Variants in PCDHGB7 observed in about 807,000 individuals in gnomAD.
PCDHGB7 encodes protocadherin gamma subfamily B, 7.
PCDHGB7 carries 37 observed loss-of-function variants against 61.4 expected under a neutral mutation model. The ratio of observed to expected loss-of-function variants is 0.60; its 90% CI spans 0.46 to 0.79. The LOEUF (loss-of-function observed/expected upper bound fraction) is 0.79, where lower values mean the gene tolerates loss of function less well. PCDHGB7 is among the 30% of genes least tolerant of loss of function. The pLI is 0.00. For missense variants in PCDHGB7, 1,166 were observed against 1,202.5 expected (o/e 0.97, Z 0.45); for synonymous variants, 464 against 503.5 (o/e 0.92, Z 1.05).
chr5:141,487,831 A>T lies in PCDHGB7; in HGVS notation c.2416-6976A>T. 2 of 1,144,322 alleles carry T rather than the reference A, an allele frequency of 1.7e-6. No individual in the cohort carries two copies. Among genetic ancestry groups the T allele is most frequent in the Non-Finnish European group, 2.4e-6 (2 of 818,294 alleles). 70.9% of individuals were successfully genotyped at this position (1,144,322 alleles called of 1,614,324 possible). ...TTAGCATTGGGGGCGGGTCATGCCT[A>T]TATCTGAGTAAGAAATGAAAGTAAT... On this transcript the variant is annotated intron_variant, in intron 1 of 3. Transcript: ENST00000398594. The surrounding 1 kb of genome is among the most constrained non-coding windows in gnomAD (Gnocchi z 5.0).
Position 141,432,325 on chromosome 5 carries a change from C to CGAGCA in PCDHGB7, c.2415+12053_2415+12057dup, listed in dbSNP as rs768604869. On this transcript the variant is annotated intron_variant, in intron 1 of 3. Coordinates refer to ENST00000398594, the MANE Select transcript of PCDHGB7 (RefSeq NM_018927.4). This position sits in a 1 kb window ranked among gnomAD's most constrained non-coding sequence, Gnocchi z 6.0. Reference sequence around the variant, plus strand: ...TGTATGCGCTGAGCTCCTTCGACTACGAGCAGTTCCGAGACTTGCAAGTGA... The same window carrying CGAGCA: ...TGTATGCGCTGAGCTCCTTCGACTACGAGCAGAGCAGTTCCGAGACTTGCAAGTGA... 20 of 1,614,142 alleles carry CGAGCA rather than the reference C, an allele frequency of 1.2e-5. No individual in the cohort carries two copies. Among genetic ancestry groups the CGAGCA allele is most frequent in the Non-Finnish European group, 1.7e-5 (20 of 1,180,050 alleles).
At chr5:141,484,639 C>A (rs1366750263) in intron 1 of PCDHGB7, among the ~76,000 whole-genome samples, 1 of 151,938 alleles carries the variant, frequency 6.6e-6, no homozygotes, top group Non-Finnish European at 1.5e-5. Context: ...AGTGACCACT[C>A]TCCAATGGCT....
intron 1 of PCDHGB7, chr5:141,422,178 G>A (rs1561799748): frequency 1.9e-6 from 3 of 1,563,306 alleles, no homozygotes; most frequent in Non-Finnish European, 1.7e-6. Flanking sequence ...GATTCTATGA[G>A]ATGGAAATTC....
In PCDHGB7 at chr5:141,512,494, C is replaced by T. The variant is rs2099884262; in HGVS notation, c.*1321C>T. The T allele has an allele frequency of 6.5e-6, 1 of 152,894 alleles. No individual in the cohort carries two copies. Among genetic ancestry groups the T allele is most frequent in the Admixed American group, 6.5e-5 (1 of 15,282 alleles). The allele number at this position is 152,894 out of a possible 1,614,324, so 9.5% of individuals were successfully genotyped here. Reference sequence around the variant, plus strand: ...CTTCCGTGAAGGCCACTGCCCAGGTCCCCAGTGCGCCCCCTAGTGGCCATA... The same window carrying T: ...CTTCCGTGAAGGCCACTGCCCAGGTTCCCAGTGCGCCCCCTAGTGGCCATA... On this transcript the variant is annotated 3_prime_UTR_variant, in exon 4 of 4. Transcript: ENST00000398594.
Position 141,489,101 on chromosome 5 carries a change from T to C in PCDHGB7, c.2416-5706T>C. The C allele has an allele frequency of 2.5e-6, 1 of 398,412 alleles. No homozygotes were observed. The highest frequency in any genetic ancestry group is 4.3e-5 in the South Asian group (1 of 23,096). The allele number at this position is 398,412 out of a possible 1,614,324, so 24.7% of individuals were successfully genotyped here. A position where few individuals can be genotyped will look rare whatever the true frequency, so the allele number is the denominator to read the frequency against. ...CCGCCACTCGGTGACTAAGAACTGC[T>C]GCAAGCAGGCAAACCTCCGAGCAGT... On this transcript the variant is annotated intron_variant, in intron 1 of 3. Coordinates refer to ENST00000398594, the MANE Select transcript of PCDHGB7 (RefSeq NM_018927.4). The surrounding 1 kb of genome is among the most constrained non-coding windows in gnomAD (Gnocchi z 4.5).
chr5:141,427,717 A>G (rs1038823851), intron 1 of PCDHGB7: 20 of 1,076,234 alleles, frequency 1.9e-5, no homozygotes, highest in African/African-American at 1.1e-4. Context: ...TCTGACCTGG[A>G]CCTAGGGCTG....
chr5:141,428,037 C>G lies in PCDHGB7; in HGVS notation c.2415+7763C>G, dbSNP rs762273592. 3.7e-6 allele frequency: 6 copies of G among 1,608,340 alleles called. No homozygotes were observed. In the African/African-American group the frequency reaches 8.0e-5, roughly 21 times the overall value. ...GCCACGCGCCGCAGAGTCCGGCTACCTGGTGACCAAGGTGGTGGCGGTGGA... is the reference window on the plus strand; with the variant it reads ...GCCACGCGCCGCAGAGTCCGGCTACGTGGTGACCAAGGTGGTGGCGGTGGA... On this transcript the variant is annotated intron_variant, in intron 1 of 3. Coordinates refer to ENST00000398594, the MANE Select transcript of PCDHGB7 (RefSeq NM_018927.4).
Position 141,476,790 on chromosome 5 carries a change from C to T in PCDHGB7, c.2416-18017C>T. ...TTGGACGGAGGGACCCCAGCTCTCT[C>T]CGCCAGCCTGCCTATTCACATCAAG... On this transcript the variant is annotated intron_variant, in intron 1 of 3. Coordinates refer to ENST00000398594, the MANE Select transcript of PCDHGB7 (RefSeq NM_018927.4). This position sits in a 1 kb window ranked among gnomAD's most constrained non-coding sequence, Gnocchi z 7.6. 1 of 1,613,606 alleles carries T rather than the reference C, an allele frequency of 6.2e-7. No homozygotes were observed. Among genetic ancestry groups the T allele is most frequent in the South Asian group, 1.1e-5 (1 of 91,084 alleles).
At chr5:141,460,047 C>T (rs2098981053) in intron 1 of PCDHGB7, among the ~76,000 whole-genome samples, 1 of 152,102 alleles carries the variant, frequency 6.6e-6, no homozygotes. Context: ...CACTGCACTC[C>T]AGCCTGGGCA....
Position 141,432,254 on chromosome 5 carries a change from G to A in PCDHGB7, c.2415+11980G>A, listed in dbSNP as rs935437220. 6.2e-7 allele frequency: 1 copy of A among 1,614,242 alleles called. No homozygotes were observed. The highest frequency in any genetic ancestry group is 8.5e-7 in the Non-Finnish European group (1 of 1,180,050). ...CCTGGCTGAGAACACCATCCAAGGG[G>A]CAAGCCTATCGTCCTACGTGTCCAT... On this transcript the variant is annotated intron_variant, in intron 1 of 3. Transcript: ENST00000398594. The surrounding 1 kb of genome is among the most constrained non-coding windows in gnomAD (Gnocchi z 6.0).
chr5:141,494,537 G>C (rs2099755111), intron 1 of PCDHGB7, among the ~76,000 whole-genome samples: 1 of 152,168 alleles, frequency 6.6e-6, no homozygotes, highest in Non-Finnish European at 1.5e-5. Flanking sequence ...TGGGGGCAGG[G>C]AGGAAGGGGC....
At chr5:141,467,337 G>A (rs1018807977) in intron 1 of PCDHGB7, among the ~76,000 whole-genome samples, 1 of 152,162 alleles carries the variant, frequency 6.6e-6, no homozygotes, top group Admixed American at 6.6e-5. Flanking sequence ...AGAGACGTAA[G>A]CCACTGCCCC....
chr5:141,469,104 C>T (rs1046234848), intron 1 of PCDHGB7, among the ~76,000 whole-genome samples: 1 of 151,760 alleles, frequency 6.6e-6, no homozygotes, highest in Admixed American at 6.6e-5. Flanking sequence ...AAGCAAGAAC[C>T]TGTCTCTAAA....
At chr5:141,475,500 T>C (rs1393586791) in intron 1 of PCDHGB7, among the ~76,000 whole-genome samples, 1 of 152,248 alleles carries the variant, frequency 6.6e-6, no homozygotes, top group East Asian at 1.9e-4. Flanking sequence ...ACTGAAATTA[T>C]TAATGTCTCC....
intron 1 of PCDHGB7, among the ~76,000 whole-genome samples, chr5:141,484,319 C>T (rs1191113560): frequency 6.6e-6 from 1 of 152,212 alleles, no homozygotes; most frequent in Non-Finnish European, 1.5e-5. Context: ...CGCTTCCATA[C>T]TGTCCTTGAA....
At chr5:141,472,980 CAAA>C (rs60579131) in intron 1 of PCDHGB7, among the ~76,000 whole-genome samples, 10 of 86,092 alleles carry the variant, frequency 1.2e-4, no homozygotes, top group Non-Finnish European at 1.2e-4. Context: ...GAGTGAAACT[CAAA>C]AAAAAAAAAA....
intron 1 of PCDHGB7, among the ~76,000 whole-genome samples, chr5:141,426,005 G>A (rs189148799): frequency 4.1e-4 from 63 of 152,202 alleles, no homozygotes; most frequent in Admixed American, 2.1e-3. Flanking sequence ...AAAGGCTTCC[G>A]GCTGCAGTTT....
chr5:141,476,091 G>A lies in PCDHGB7; in HGVS notation c.2416-18716G>A. The A allele has an allele frequency of 2.6e-6, 4 of 1,563,192 alleles. No individual in the cohort carries two copies. The highest frequency in any genetic ancestry group is 3.5e-6 in the Non-Finnish European group (4 of 1,159,278). On this transcript the variant is annotated intron_variant, in intron 1 of 3. Transcript: ENST00000398594. The surrounding 1 kb of genome is among the most constrained non-coding windows in gnomAD (Gnocchi z 7.6). ...AAATCTCAGGGACGATCTGGACCCCGCTGAGAGGAACTGCTTTTGAGTGAG... is the reference window on the plus strand; with the variant it reads ...AAATCTCAGGGACGATCTGGACCCCACTGAGAGGAACTGCTTTTGAGTGAG...
Position 141,417,975 on chromosome 5 carries a change from A to C in PCDHGB7, c.116A>C (p.Glu39Ala). The change falls in exon 1 of 4, where the codon GAG becomes GCG. Residue 39 changes from glutamate to alanine, a missense_variant. Coordinates refer to ENST00000398594, the MANE Select transcript of PCDHGB7 (RefSeq NM_018927.4). Reference protein sequence around the residue: ...LCEPIRYSIPEELAKGSVVGN... With the variant: ...LCEPIRYSIPAELAKGSVVGN... ...GAGCCGATCCGCTACTCGATTCCGG[A>C]GGAGCTGGCCAAGGGCTCGGTGGTG... 1.9e-6 allele frequency: 3 copies of C among 1,613,724 alleles called. No homozygotes were observed. Among genetic ancestry groups the C allele is most frequent in the Non-Finnish European group, 2.5e-6 (3 of 1,179,736 alleles).
Sources: allele counts gnomAD v4.1 joint callset (sites outside exome capture counted in the v4.1 genomes callset), GRCh38; gene constraint gnomAD v4.1.1; non-coding constraint Gnocchi (gnomAD v3.1); transcripts MANE v1.5; gene names NCBI Gene and HGNC (gene_info 2026-07-23, HGNC 2026-07-21).